Variants in MAST4 observed in about 807,000 individuals in gnomAD.
MAST4 encodes the protein microtubule-associated serine/threonine-protein kinase 4.
In MAST4, 89 loss-of-function variants were observed where a neutral mutation model predicts 162.7. That is an observed-to-expected ratio of 0.55 (90% CI 0.46 to 0.65). The LOEUF (loss-of-function observed/expected upper bound fraction) is 0.65, where lower values mean the gene tolerates loss of function less well. Ranked by LOEUF, MAST4 falls within the 30% of genes least tolerant of loss-of-function variation. The pLI, the probability that MAST4 is intolerant of heterozygous loss-of-function variation, is 0.00. For synonymous variants in MAST4, 1,479 were observed against 1,361.1 expected (o/e 1.09, Z -1.91); for missense variants, 3,153 against 3,374.0 (o/e 0.93, Z 1.62).
intron 5 of MAST4, among the ~76,000 whole-genome samples, chr5:67,064,374 G>T (rs1184707692): frequency 6.6e-6 from 1 of 152,140 alleles, no homozygotes; most frequent in Non-Finnish European, 1.5e-5. Context: ...GTGCGTCACA[G>T]ATGTCCACTG....
chr5:66,754,358 A>G (rs946607036), intron 1 of MAST4, among the ~76,000 whole-genome samples: 1 of 152,228 alleles, frequency 6.6e-6, no homozygotes, highest in African/African-American at 2.4e-5. Context: ...AGTTTGGTAT[A>G]TGGAACAGAT....
At chr5:66,879,414 C>G (rs1761543034) in intron 3 of MAST4, among the ~76,000 whole-genome samples, 1 of 151,744 alleles carries the variant, frequency 6.6e-6, no homozygotes, top group Admixed American at 6.6e-5. Flanking sequence ...TGGCAAAAAT[C>G]TAAACCTGGG....
At chr5:67,155,281 A>T (rs1019003447) in intron 26 of MAST4, among the ~76,000 whole-genome samples, 1 of 152,204 alleles carries the variant, frequency 6.6e-6, no homozygotes, top group Non-Finnish European at 1.5e-5. Context: ...TGGAATTATA[A>T]AATGTGATGG....
chr5:66,722,537 A>G lies in MAST4; in HGVS notation c.364-37172A>G, dbSNP rs370704156. ...TTTATTGTCCACCTCTCTCATCAGA[A>G]TGTGAATCCCAGCAGGGTAGGGATC... is the stretch of plus-strand genomic sequence containing the variant. On this transcript the variant is annotated intron_variant, in intron 1 of 28. Coordinates refer to ENST00000403625, the MANE Select transcript of MAST4 (RefSeq NM_001164664.2). Among the ~76,000 whole-genome samples the G allele has an allele frequency of 1.2e-4, 19 of 152,006 alleles. No individual in the cohort carries two copies. In the East Asian group the frequency reaches 3.5e-3, roughly 28 times the overall value.
intron 1 of MAST4, among the ~76,000 whole-genome samples, chr5:66,627,781 T>C (rs892268119): frequency 4.6e-5 from 7 of 152,076 alleles, no homozygotes; most frequent in African/African-American, 1.7e-4. Context: ...TTTTCATTGG[T>C]TTATTCCCAG....
intron 1 of MAST4, among the ~76,000 whole-genome samples, chr5:66,757,620 GTTGAAGTA>G (rs1610984): frequency 0.18 from 27,303 of 151,816 alleles, 2,918 homozygotes; most frequent in East Asian, 0.44. Flanking sequence ...GAACAGGCAT[GTTGAAGTA>G]TTGAAGTATT....
At chr5:67,144,861 G>C in intron 22 of MAST4, 65 bp downstream of exon 22, 1 of 1,525,404 alleles carries the variant, frequency 6.6e-7, no homozygotes, top group East Asian at 2.5e-5. Flanking sequence ...TTAAACTTTA[G>C]TGAGCATCAG....
intron 3 of MAST4, among the ~76,000 whole-genome samples, chr5:66,839,596 T>C (rs1299155457): frequency 6.6e-6 from 1 of 152,162 alleles, no homozygotes; most frequent in Non-Finnish European, 1.5e-5. Context: ...AGGTTTTTTT[T>C]TTCCCCAAAT....
chr5:66,666,099 A>C (rs1303177008), intron 1 of MAST4, among the ~76,000 whole-genome samples: 2 of 152,240 alleles, frequency 1.3e-5, no homozygotes, highest in African/African-American at 4.8e-5. Context: ...CCAGGGTTGC[A>C]GTGGTCCAGG....
intron 3 of MAST4, among the ~76,000 whole-genome samples, chr5:66,832,783 A>G (rs1467254523): frequency 6.6e-6 from 1 of 152,216 alleles, no homozygotes; most frequent in Non-Finnish European, 1.5e-5. Context: ...TCTAGTTGGA[A>G]GATTATAATA....
At chr5:67,012,276 A>G (rs551707008) in intron 4 of MAST4, among the ~76,000 whole-genome samples, 1 of 152,320 alleles carries the variant, frequency 6.6e-6, no homozygotes, top group South Asian at 2.1e-4. Context: ...GAGATGGCCC[A>G]TAGAAGAGGA....
intron 1 of MAST4, among the ~76,000 whole-genome samples, chr5:66,702,131 C>T (rs1442771402): frequency 6.6e-6 from 1 of 152,170 alleles, no homozygotes; most frequent in Non-Finnish European, 1.5e-5. Flanking sequence ...GGCTCCTTGG[C>T]CCTTTCCTCT....
intron 19 of MAST4, among the ~76,000 whole-genome samples, chr5:67,141,034 G>C (rs1483030441): frequency 1.3e-5 from 2 of 152,164 alleles, no homozygotes; most frequent in Non-Finnish European, 2.9e-5. Context: ...TTGTGCTAGA[G>C]GGGTCCAATG....
rs531559469 is a variant in MAST4 at position 66,707,235 on chromosome 5, A to G, written c.364-52474A>G. On this transcript the variant is annotated intron_variant, in intron 1 of 28. Transcript: ENST00000403625. ...GATGTTGCCCTTTTGTGGACTAGAA[A>G]TACGTCACAAACGGGCTTCCGGCTC... Among the ~76,000 whole-genome samples, 351 of 152,298 alleles carry G rather than the reference A, an allele frequency of 2.3e-3. 1 individual carries two copies. The highest frequency in any genetic ancestry group is 3.9e-3 in the Non-Finnish European group (262 of 68,024).
Position 66,603,514 on chromosome 5 carries a change from G to A in MAST4, c.363+6496G>A, listed in dbSNP as rs182587559. ...AGGAAGGAAATCAGGTGATTATCTG[G>A]AAGTCAACCTTGGTTCATATAAGCA... On this transcript the variant is annotated intron_variant, in intron 1 of 28. Coordinates refer to ENST00000403625, the MANE Select transcript of MAST4 (RefSeq NM_001164664.2). 3.3e-5 allele frequency among the ~76,000 whole-genome samples: 5 copies of A among 152,252 alleles called. No individual in the cohort carries two copies. In the East Asian group the frequency reaches 9.7e-4, roughly 29 times the overall value.
At chr5:66,670,282 C>T (rs1019377966) in intron 1 of MAST4, among the ~76,000 whole-genome samples, 27 of 151,898 alleles carry the variant, frequency 1.8e-4, no homozygotes, top group Non-Finnish European at 2.8e-4. Flanking sequence ...GACTCTTCTC[C>T]GGTGGTACAA....
intron 3 of MAST4, among the ~76,000 whole-genome samples, chr5:66,795,568 C>A (rs76623770): frequency 0.049 from 7,436 of 152,274 alleles, 273 homozygotes; most frequent in South Asian, 0.13. Context: ...ATCTTTAAAA[C>A]TTAGTTGGTT....
Position 66,913,532 on chromosome 5 carries a change from A to G in MAST4, c.674+13550A>G, listed in dbSNP as rs1763910856. Among the ~76,000 whole-genome samples, 5 of 152,304 alleles carry G rather than the reference A, an allele frequency of 3.3e-5. No individual in the cohort carries two copies. In the South Asian group the frequency reaches 1.0e-3, roughly 32 times the overall value. On this transcript the variant is annotated intron_variant, in intron 4 of 28. Transcript: ENST00000403625. ...TTTCATTAGTCTCTTGCCACTGGAC[A>G]TTTGGGTTGTTTATAGCTTTTGACC... is the stretch of plus-strand genomic sequence containing the variant.
chr5:66,642,366 A>T (rs1393109621), intron 1 of MAST4, among the ~76,000 whole-genome samples: 3 of 152,216 alleles, frequency 2.0e-5, no homozygotes, highest in Non-Finnish European at 4.4e-5. Context: ...AAAAAACTTA[A>T]GTGTATCAAT....
Sources: gnomAD v4.1 joint callset for allele counts (sites outside exome capture counted in the v4.1 genomes callset) on GRCh38, gnomAD v4.1.1 for gene constraint, MANE v1.5 for transcripts, NCBI Gene and HGNC (gene_info 2026-07-23, HGNC 2026-07-21) for gene names.